MYO10: variants seen among roughly 807,000 people sequenced by gnomAD.
MYO10 encodes unconventional myosin-X.
MYO10 carries 133 observed loss-of-function variants against 257.3 expected under a neutral mutation model. That is an observed-to-expected ratio of 0.52 (90% CI 0.45 to 0.60). The LOEUF (loss-of-function observed/expected upper bound fraction) is 0.60. Ranked by LOEUF, MYO10 falls within the 20% of genes least tolerant of loss-of-function variation. The pLI is 0.00. For synonymous variants in MYO10, 1,104 were observed against 1,028.6 expected (o/e 1.07, Z -1.40); for missense variants, 2,399 against 2,635.7 (o/e 0.91, Z 1.97).
chr5:16,794,258 C>T (rs1741861535), intron 4 of MYO10, among the ~76,000 whole-genome samples: 1 of 151,772 alleles, frequency 6.6e-6, no homozygotes. Flanking sequence ...TTGTGAGTAG[C>T]ACTGTAGGCT....
intron 1 of MYO10, among the ~76,000 whole-genome samples, chr5:16,920,222 C>A (rs189284145): frequency 6.6e-6 from 1 of 151,556 alleles, no homozygotes; most frequent in Admixed American, 6.6e-5. Context: ...TGCAGTGAAC[C>A]GACATTGCGC....
chr5:16,919,519 C>G (rs1261515181), intron 1 of MYO10, among the ~76,000 whole-genome samples: 1 of 152,186 alleles, frequency 6.6e-6, no homozygotes. Flanking sequence ...GACTACCTCC[C>G]TTCTCTAAGA....
At chr5:16,797,788 G>A (rs1030770341) in intron 3 of MYO10, among the ~76,000 whole-genome samples, 6 of 152,240 alleles carry the variant, frequency 3.9e-5, no homozygotes, top group Admixed American at 1.3e-4. Context: ...CAGGAGAGGG[G>A]AATGACTGCT....
rs1736016467 is a variant in MYO10 at position 16,662,355 on chromosome 5, G to C, written c.*4337C>G. 2 of 76,618 alleles carry C rather than the reference G, an allele frequency of 2.6e-5. No individual in the cohort carries two copies. 4.7% of individuals were successfully genotyped at this position (76,618 alleles called of 1,614,324 possible). A position where few individuals can be genotyped will look rare whatever the true frequency, so the allele number is the denominator to read the frequency against. ...TTTTTTTTTTTGGAGACAGAGTCTTGCTCTGTCACCCACACCAGAATGCAG... is the reference window on the plus strand; with the variant it reads ...TTTTTTTTTTTGGAGACAGAGTCTTCCTCTGTCACCCACACCAGAATGCAG... On this transcript the variant is annotated 3_prime_UTR_variant, in exon 41 of 41. Transcript: ENST00000513610.
At chr5:16,857,913 TG>T (rs1458492706) in intron 2 of MYO10, among the ~76,000 whole-genome samples, 1 of 152,188 alleles carries the variant, frequency 6.6e-6, no homozygotes, top group Admixed American at 6.5e-5. Context: ...TAACCAGAAC[TG>T]GGAACCCTGG....
intron 3 of MYO10, among the ~76,000 whole-genome samples, chr5:16,799,568 C>T (rs575242539): frequency 3.3e-4 from 50 of 151,910 alleles, no homozygotes; most frequent in African/African-American, 1.2e-3. Flanking sequence ...TCTCGGCTCA[C>T]TGCAACCTTC....
chr5:16,696,964 A>G (rs1162069487), intron 26 of MYO10, among the ~76,000 whole-genome samples: 1 of 152,212 alleles, frequency 6.6e-6, no homozygotes, highest in Non-Finnish European at 1.5e-5. Context: ...ATATATTAGT[A>G]AAAACAGTTA....
chr5:16,880,586 T>C (rs546283548), intron 1 of MYO10, among the ~76,000 whole-genome samples: 9 of 152,242 alleles, frequency 5.9e-5, no homozygotes, highest in Non-Finnish European at 1.2e-4. Context: ...AGATGGAAAA[T>C]AGCATCAAAA....
intron 32 of MYO10, among the ~76,000 whole-genome samples, chr5:16,681,052 G>A (rs181169150): frequency 1.0e-3 from 159 of 152,226 alleles, no homozygotes; most frequent in African/African-American, 3.4e-3. Flanking sequence ...CAAGCTTCCC[G>A]TACGATGCCC....
intron 19 of MYO10, among the ~76,000 whole-genome samples, chr5:16,743,527 C>T (rs758599559): frequency 9.9e-5 from 15 of 152,060 alleles, no homozygotes; most frequent in Non-Finnish European, 1.9e-4. Context: ...CCTGTAGTCC[C>T]AGCTACTCGG....
intron 14 of MYO10, 58 bp downstream of exon 14, chr5:16,763,423 A>G (rs1220464411): frequency 7.5e-7 from 1 of 1,336,120 alleles, no homozygotes; most frequent in African/African-American, 1.4e-5. Flanking sequence ...TCCCATAAAT[A>G]TGAATCAGTC....
rs1336770254 is a variant in MYO10, at chr5:16,745,297, G to A, written c.1929+9531C>T. On this transcript the variant is annotated intron_variant, in intron 19 of 40. Coordinates refer to ENST00000513610, the MANE Select transcript of MYO10 (RefSeq NM_012334.3). Reference sequence around the variant, plus strand: ...GTGGAGGTTGCAGTGAGCCAAGATCGTGCCACTGCACTCCAGCCTGGACCA... The same window carrying A: ...GTGGAGGTTGCAGTGAGCCAAGATCATGCCACTGCACTCCAGCCTGGACCA... Among the ~76,000 whole-genome samples, 8 of 152,154 alleles carry A rather than the reference G, an allele frequency of 5.3e-5. No individual in the cohort carries two copies. In the South Asian group the frequency reaches 6.2e-4, roughly 12 times the overall value.
At chr5:16,845,222 C>A (rs1178798234) in intron 2 of MYO10, among the ~76,000 whole-genome samples, 2 of 152,046 alleles carry the variant, frequency 1.3e-5, no homozygotes, top group Non-Finnish European at 2.9e-5. Flanking sequence ...TTATCTGTAG[C>A]AGAAATTTCC....
At chr5:16,753,600 G>A (rs113235433) in intron 19 of MYO10, among the ~76,000 whole-genome samples, 3,687 of 151,238 alleles carry the variant, frequency 0.024, 176 homozygotes, top group African/African-American at 0.084. Flanking sequence ...CCTCCTGAGT[G>A]GCTGGGATTA....
At chr5:16,731,068 C>CT (rs1348101599) in intron 19 of MYO10, among the ~76,000 whole-genome samples, 1 of 144,416 alleles carries the variant, frequency 6.9e-6, no homozygotes, top group African/African-American at 2.6e-5. Flanking sequence ...TTTTTGGAGA[C>CT]TGAGTCTCGC....
At chr5:16,786,042 TA>T (rs1741568940) in intron 4 of MYO10, among the ~76,000 whole-genome samples, 1 of 151,790 alleles carries the variant, frequency 6.6e-6, no homozygotes, top group Non-Finnish European at 1.5e-5. Flanking sequence ...GCTTGCCACC[TA>T]AGTGTCCTCA....
At chr5:16,740,821 C>T (rs1404847934) in intron 19 of MYO10, among the ~76,000 whole-genome samples, 1 of 151,768 alleles carries the variant, frequency 6.6e-6, no homozygotes, top group Non-Finnish European at 1.5e-5. Context: ...GACAACTTAC[C>T]TTTGCCTCTT....
chr5:16,780,759 T>A lies in MYO10; in HGVS notation c.728-18A>T. 1 of 1,569,626 alleles carries A rather than the reference T, an allele frequency of 6.4e-7. No individual in the cohort carries two copies. Among genetic ancestry groups the A allele is most frequent in the Admixed American group, 1.9e-5 (1 of 53,404 alleles). On this transcript the variant is annotated intron_variant, in intron 6 of 40. Transcript: ENST00000513610. ...TAATAAATCTTCATGTGAAAAGCAA[T>A]GGCAAGTCAAGGAAAAAAACAAAGC... is the stretch of plus-strand genomic sequence containing the variant.
intron 2 of MYO10, among the ~76,000 whole-genome samples, chr5:16,865,048 C>CAG (rs74745745): frequency 0.05 from 7,554 of 152,156 alleles, 267 homozygotes; most frequent in South Asian, 0.17. Context: ...GGGAAAAGCA[C>CAG]AGAGAATTGA....
Sources: allele counts gnomAD v4.1 joint callset (sites outside exome capture counted in the v4.1 genomes callset), GRCh38; gene constraint gnomAD v4.1.1; transcripts MANE v1.5; gene names NCBI Gene and HGNC (gene_info 2026-07-23, HGNC 2026-07-21).